CNTN1: variants seen among roughly 807,000 people sequenced by gnomAD.
CNTN1 encodes contactin-1.
CNTN1 carries 38 observed loss-of-function variants against 126.4 expected under a neutral mutation model. The observed-to-expected ratio is 0.30, with a 90% CI of 0.23 to 0.39. The LOEUF (loss-of-function observed/expected upper bound fraction) is 0.39. Ranked by LOEUF, CNTN1 falls within the 10% of genes least tolerant of loss-of-function variation. The probability of loss-of-function intolerance (pLI) is 1.00; values close to 1 mark genes in which losing one functional copy is unlikely to be tolerated. For missense variants in CNTN1, 1,009 were observed against 1,248.4 expected (o/e 0.81, Z 2.89); for synonymous variants, 413 against 422.6 (o/e 0.98, Z 0.28).
intron 1 of CNTN1, among the ~76,000 whole-genome samples, chr12:40,846,812 C>T (rs1592152469): frequency 6.6e-6 from 1 of 152,108 alleles, no homozygotes; most frequent in Non-Finnish European, 1.5e-5. Context: ...CTGCCTCAGG[C>T]TCCCGAGTAG....
intron 1 of CNTN1, among the ~76,000 whole-genome samples, chr12:40,773,659 AT>A (rs1939447031): frequency 1.9e-3 from 7 of 3,726 alleles, no homozygotes; most frequent in African/African-American, 4.2e-3. Flanking sequence ...ATATATACAC[AT>A]ATATATATAT....
At chr12:40,779,267 T>A (rs568858734) in intron 1 of CNTN1, among the ~76,000 whole-genome samples, 1 of 151,946 alleles carries the variant, frequency 6.6e-6, no homozygotes, top group Non-Finnish European at 1.5e-5. Flanking sequence ...ATTTCTCAAA[T>A]TTCCCCGTCT....
rs557921661 is a variant in CNTN1 at position 41,061,035 on chromosome 12, A to C, written c.2981-8924A>C. On this transcript the variant is annotated intron_variant, in intron 23 of 23. Coordinates refer to ENST00000551295, the MANE Select transcript of CNTN1 (RefSeq NM_001843.4). Reference sequence around the variant, plus strand: ...GGAGCACAGAGAGATTTAGTACCTTATGAGAGGCCACACACTCAAGTGAGT... The same window carrying C: ...GGAGCACAGAGAGATTTAGTACCTTCTGAGAGGCCACACACTCAAGTGAGT... Among the ~76,000 whole-genome samples, 19 of 152,316 alleles carry C rather than the reference A, an allele frequency of 1.2e-4. No individual in the cohort carries two copies. In the East Asian group the frequency reaches 3.7e-3, roughly 29 times the overall value.
intron 17 of CNTN1, among the ~76,000 whole-genome samples, chr12:41,012,279 T>A (rs531427855): frequency 1.1e-4 from 17 of 152,266 alleles, no homozygotes; most frequent in South Asian, 1.0e-3. Context: ...ACCCTCTGTT[T>A]CTAGAACATC....
intron 23 of CNTN1, among the ~76,000 whole-genome samples, chr12:41,041,594 C>T (rs1369144537): frequency 6.6e-6 from 1 of 152,092 alleles, no homozygotes; most frequent in African/African-American, 2.4e-5. Context: ...AATTTCAGAG[C>T]CTGTTATTGG....
chr12:40,793,333 A>G (rs534036302), intron 1 of CNTN1, among the ~76,000 whole-genome samples: 14 of 152,152 alleles, frequency 9.2e-5, no homozygotes, highest in African/African-American at 3.4e-4. Flanking sequence ...GTCCATATGC[A>G]CATTAAGAGA....
rs574264655 is a variant in CNTN1 at position 40,903,519 on chromosome 12, A to G, written c.-76-4838A>G. On this transcript the variant is annotated intron_variant, in intron 1 of 23. Transcript: ENST00000551295. The stretch of plus-strand genomic sequence containing the variant: ...AGAAGTAGTAGGGGCAGTTTCTTCC[A>G]CATTAGTAGGATGGGCTCAGCTTGC... 2.0e-5 allele frequency among the ~76,000 whole-genome samples: 3 copies of G among 151,608 alleles called. No individual in the cohort carries two copies. The South Asian group carries it at 6.2e-4, about 32-fold the overall frequency.
At chr12:41,020,581 T>C (rs1291113024) in intron 20 of CNTN1, 141 bp downstream of exon 20, 1 of 619,464 alleles carries the variant, frequency 1.6e-6, no homozygotes, top group East Asian at 2.9e-5. Flanking sequence ...ATTGTGGTCA[T>C]ATATAAGTTA....
In CNTN1 at chr12:40,973,869, G is replaced by A. The variant is rs11833257; in HGVS notation, c.1805-7040G>A. On this transcript the variant is annotated intron_variant, in intron 15 of 23. Transcript: ENST00000551295. Reference sequence around the variant, plus strand: ...ACATCCTGTTTATAAATTGAGACACGAGGATCTTAATTTCTAGTCTTCTAT... The same window carrying A: ...ACATCCTGTTTATAAATTGAGACACAAGGATCTTAATTTCTAGTCTTCTAT... Among the ~76,000 whole-genome samples the A allele has an allele frequency of 1.5e-3, 221 of 152,232 alleles. 1 individual carries two copies. Among genetic ancestry groups the A allele is most frequent in the African/African-American group, 5.0e-3 (207 of 41,552 alleles).
intron 23 of CNTN1, among the ~76,000 whole-genome samples, chr12:41,062,341 T>C (rs1949953357): frequency 6.6e-6 from 1 of 152,166 alleles, no homozygotes; most frequent in East Asian, 1.9e-4. Context: ...TCAAAGAAAA[T>C]GTTAACAGTA....
At chr12:40,757,185 G>T (rs1938644415) in intron 1 of CNTN1, among the ~76,000 whole-genome samples, 1 of 151,912 alleles carries the variant, frequency 6.6e-6, no homozygotes, top group African/African-American at 2.4e-5. Flanking sequence ...CCCATCATGG[G>T]GGTTCTACTC....
intron 1 of CNTN1, among the ~76,000 whole-genome samples, chr12:40,774,746 T>C (rs1807862288): frequency 6.6e-6 from 1 of 151,466 alleles, no homozygotes; most frequent in South Asian, 2.1e-4. Flanking sequence ...AAATTATGCT[T>C]TTAGTCTTCT....
intron 1 of CNTN1, among the ~76,000 whole-genome samples, chr12:40,844,069 A>ATGTTTTTTTTTTTTTTTTTTTTTT (rs1942396892): frequency 1.2e-5 from 1 of 84,684 alleles, no homozygotes; most frequent in Non-Finnish European, 2.3e-5. Context: ...TGGCACAATG[A>ATGTTTTTTTTTTTTTTTTTTTTTT]TTTTTTTTTT....
intron 1 of CNTN1, among the ~76,000 whole-genome samples, chr12:40,859,366 A>C (rs1168377572): frequency 6.6e-6 from 1 of 152,114 alleles, no homozygotes; most frequent in African/African-American, 2.4e-5. Flanking sequence ...CCTCACACTA[A>C]TGTAAGATGT....
At chr12:41,060,485 C>T (rs1949917731) in intron 23 of CNTN1, among the ~76,000 whole-genome samples, 1 of 152,118 alleles carries the variant, frequency 6.6e-6, no homozygotes, top group Non-Finnish European at 1.5e-5. Flanking sequence ...TAATTTAGCA[C>T]TTGTTTTTAT....
intron 1 of CNTN1, among the ~76,000 whole-genome samples, chr12:40,707,344 G>A (rs969344068): frequency 2.7e-5 from 4 of 147,242 alleles, no homozygotes; most frequent in African/African-American, 1.0e-4. Context: ...CGCCTCCTGG[G>A]TTCGCGCCAT....
Position 40,911,176 on chromosome 12 carries a change from A to G in CNTN1, c.94+1071A>G, listed in dbSNP as rs994986887. On this transcript the variant is annotated intron_variant, in intron 3 of 23. Transcript: ENST00000551295. The stretch of plus-strand genomic sequence containing the variant: ...GCTCACTGCAAGCTCCACCTCCGGG[A>G]TTCACGCCATTCTCCTGCCTCAGCC... Among the ~76,000 whole-genome samples, 7 of 132,996 alleles carry G rather than the reference A, an allele frequency of 5.3e-5. No homozygotes were observed. In the Admixed American group the frequency reaches 6.5e-4, roughly 12 times the overall value. The allele number at this position is 132,996 out of a possible 152,430, so 87.3% of individuals were successfully genotyped here.
At chr12:41,005,587 G>T (rs921448963) in intron 17 of CNTN1, among the ~76,000 whole-genome samples, 13 of 152,156 alleles carry the variant, frequency 8.5e-5, no homozygotes, top group African/African-American at 2.6e-4. Flanking sequence ...TGCAGATTCA[G>T]TCACATATTT....
intron 23 of CNTN1, among the ~76,000 whole-genome samples, chr12:41,058,267 T>A (rs562952825): frequency 1.1e-4 from 16 of 152,282 alleles, no homozygotes; most frequent in African/African-American, 3.4e-4. Flanking sequence ...CATGTTACTA[T>A]ATCATCATTG....
Sources: allele counts gnomAD v4.1 joint callset (sites outside exome capture counted in the v4.1 genomes callset), GRCh38; gene constraint gnomAD v4.1.1; transcripts MANE v1.5; gene names NCBI Gene and HGNC (gene_info 2026-07-23, HGNC 2026-07-21).